The following WWOX variants were observed in gnomAD, a reference collection of about 807,000 sequenced individuals.
WWOX encodes WW domain-containing oxidoreductase.
In WWOX, 69 loss-of-function variants were observed where a neutral mutation model predicts 46.2. That is an observed-to-expected ratio of 1.49 (90% CI 1.23 to 1.82). The LOEUF (loss-of-function observed/expected upper bound fraction) is 1.82, where lower values mean the gene tolerates loss of function less well. WWOX is among the 40% of genes most tolerant of loss of function. The probability of loss-of-function intolerance (pLI) is 0.00; values close to 1 mark genes in which losing one functional copy is unlikely to be tolerated. For synonymous variants in WWOX, 359 were observed against 202.6 expected (o/e 1.77, Z -6.56); for missense variants, 919 against 542.6 (o/e 1.69, Z -6.89).
intron 8 of WWOX, among the ~76,000 whole-genome samples, chr16:79,132,358 G>C (rs2049897636): frequency 6.6e-6 from 1 of 152,136 alleles, no homozygotes; most frequent in Non-Finnish European, 1.5e-5. Flanking sequence ...TCCGGTTGGT[G>C]GATTTTGCTC....
At chr16:79,139,264 C>T (rs2050042133) in intron 8 of WWOX, among the ~76,000 whole-genome samples, 1 of 152,236 alleles carries the variant, frequency 6.6e-6, no homozygotes, top group African/African-American at 2.4e-5. Context: ...CTTTGTGCTG[C>T]TGCTGATCAC....
At chr16:78,329,545 C>G (rs1016270112) in intron 5 of WWOX, among the ~76,000 whole-genome samples, 1 of 152,124 alleles carries the variant, frequency 6.6e-6, no homozygotes, top group Admixed American at 6.5e-5. Flanking sequence ...CCTATGAGGC[C>G]AAGTTGCAAG....
intron 8 of WWOX, among the ~76,000 whole-genome samples, chr16:78,459,108 G>T (rs541032988): frequency 2.6e-5 from 4 of 152,174 alleles, no homozygotes. Flanking sequence ...AGGGCCTTCT[G>T]TGTGAAGATT....
chr16:78,824,325 G>C lies in WWOX; in HGVS notation c.1057-387283G>C, dbSNP rs189393745. On this transcript the variant is annotated intron_variant, in intron 8 of 8. Coordinates refer to ENST00000566780, the MANE Select transcript of WWOX (RefSeq NM_016373.4). ...TTTTTATTGACTCAAATGTGTGATTGGTTGATTTACTGTATTCAGTCCAAG... is the reference window on the plus strand; with the variant it reads ...TTTTTATTGACTCAAATGTGTGATTCGTTGATTTACTGTATTCAGTCCAAG... 3.1e-3 allele frequency among the ~76,000 whole-genome samples: 465 copies of C among 152,206 alleles called. 1 individual carries two copies. Among genetic ancestry groups the C allele is most frequent in the Non-Finnish European group, 4.4e-3 (301 of 68,004 alleles).
intron 5 of WWOX, among the ~76,000 whole-genome samples, chr16:78,247,288 A>G (rs1328770157): frequency 6.6e-6 from 1 of 152,194 alleles, no homozygotes; most frequent in Non-Finnish European, 1.5e-5. Context: ...GATAAAAAGC[A>G]GTTAAACTTT....
At chr16:78,509,176 C>A (rs189762189) in intron 8 of WWOX, among the ~76,000 whole-genome samples, 2 of 152,206 alleles carry the variant, frequency 1.3e-5, no homozygotes, top group Non-Finnish European at 2.9e-5. Context: ...TGGTGGTTCA[C>A]GCCTGTAATC....
chr16:78,416,503 T>G (rs1241419509), intron 6 of WWOX, among the ~76,000 whole-genome samples: 1 of 152,192 alleles, frequency 6.6e-6, no homozygotes, highest in East Asian at 1.9e-4. Context: ...TGAAGGGTAT[T>G]AAAATTTGGT....
intron 8 of WWOX, among the ~76,000 whole-genome samples, chr16:78,581,205 C>T (rs893018580): frequency 3.3e-5 from 5 of 152,090 alleles, no homozygotes; most frequent in East Asian, 1.9e-4. Flanking sequence ...GAAAAAGTTA[C>T]ATATGGTCCT....
intron 8 of WWOX, among the ~76,000 whole-genome samples, chr16:78,446,657 CTTTTTTTTTTTT>C (rs5818138): frequency 0.039 from 3,440 of 88,330 alleles, 180 homozygotes; most frequent in African/African-American, 0.14. Flanking sequence ...CAAGTGTATA[CTTTTTTTTTTTT>C]TTTTTTTTTT....
intron 8 of WWOX, among the ~76,000 whole-genome samples, chr16:78,763,612 C>T (rs1016492831): frequency 6.6e-6 from 1 of 152,188 alleles, no homozygotes; most frequent in Admixed American, 6.5e-5. Context: ...GTCATTGAAA[C>T]AAAATCTGTC....
chr16:78,489,110 A>G (rs549600767), intron 8 of WWOX, among the ~76,000 whole-genome samples: 54 of 152,336 alleles, frequency 3.5e-4, no homozygotes, highest in African/African-American at 1.2e-3. Context: ...GCTTGTTACT[A>G]GCAGATCAAT....
chr16:78,530,346 G>A (rs1036568244), intron 8 of WWOX, among the ~76,000 whole-genome samples: 9 of 152,170 alleles, frequency 5.9e-5, no homozygotes, highest in African/African-American at 2.2e-4. Context: ...GGTCTCATGA[G>A]CAAATTTTAA....
chr16:78,991,833 A>G (rs2046893233), intron 8 of WWOX, among the ~76,000 whole-genome samples: 1 of 152,082 alleles, frequency 6.6e-6, no homozygotes, highest in Non-Finnish European at 1.5e-5. Flanking sequence ...GTTCATTACC[A>G]TCATCACTGC....
intron 5 of WWOX, among the ~76,000 whole-genome samples, chr16:78,288,267 CT>C (rs201333228): frequency 3.9e-3 from 491 of 124,576 alleles, no homozygotes; most frequent in Non-Finnish European, 4.0e-3. Context: ...TATGAGTTTA[CT>C]TTTTTTTTTT....
chr16:79,047,365 T>G (rs796839154), intron 8 of WWOX, among the ~76,000 whole-genome samples: 16 of 152,348 alleles, frequency 1.1e-4, no homozygotes, highest in African/African-American at 3.8e-4. Context: ...TGCTAATGAA[T>G]TTGACAAGGC....
intron 8 of WWOX, among the ~76,000 whole-genome samples, chr16:79,011,256 A>C (rs940554784): frequency 6.6e-6 from 1 of 151,408 alleles, no homozygotes; most frequent in Non-Finnish European, 1.5e-5. Context: ...GAGAATAAGG[A>C]CATTCTTCTA....
rs546387669 is a variant in WWOX, at chr16:78,738,786, C to CCAT, written c.1056+306035_1056+306037dup. On this transcript the variant is annotated intron_variant, in intron 8 of 8. Transcript: ENST00000566780. Reference sequence around the variant, plus strand: ...AGACCAGGGCTGTGCAACCCTAGAGCCATTGCCTTGACCACAAAGCCACAG... The same window carrying CCAT: ...AGACCAGGGCTGTGCAACCCTAGAGCCATCATTGCCTTGACCACAAAGCCACAG... 1.2e-3 allele frequency among the ~76,000 whole-genome samples: 178 copies of CCAT among 152,234 alleles called. 1 individual carries two copies. The Middle Eastern group carries it at 0.014, about 12-fold the overall frequency.
At chr16:79,177,420 A>C (rs1221702157) in intron 8 of WWOX, among the ~76,000 whole-genome samples, 1 of 152,180 alleles carries the variant, frequency 6.6e-6, no homozygotes, top group East Asian at 1.9e-4. Flanking sequence ...TCCAAAAGGC[A>C]AGGCTTTTAC....
At chr16:79,078,594 G>C (rs2048703531) in intron 8 of WWOX, among the ~76,000 whole-genome samples, 1 of 152,210 alleles carries the variant, frequency 6.6e-6, no homozygotes, top group Non-Finnish European at 1.5e-5. Flanking sequence ...GAGAATCTGA[G>C]TTCCTGGGAG....
Sources: gnomAD v4.1 joint callset for allele counts (sites outside exome capture counted in the v4.1 genomes callset) on GRCh38, gnomAD v4.1.1 for gene constraint, MANE v1.5 for transcripts, NCBI Gene and HGNC (gene_info 2026-07-23, HGNC 2026-07-21) for gene names.